Variants in DOK7 observed in about 807,000 individuals in gnomAD.
The protein encoded by DOK7 is docking protein 7.
Under a neutral mutation model 30.7 loss-of-function variants are expected in DOK7, and 32 were observed. That is an observed-to-expected ratio of 1.04 (90% confidence interval 0.79 to 1.40). The LOEUF (loss-of-function observed/expected upper bound fraction) is 1.40. Among genes scored for constraint, DOK7 ranks in the 40% most tolerant of loss-of-function variants. The pLI is 0.00. For synonymous variants in DOK7, 447 were observed against 324.1 expected (o/e 1.38, Z -4.07); for missense variants, 1,007 against 699.2 (o/e 1.44, Z -4.97).
At chr4:3,485,693 C>T (rs767894740) in intron 5 of DOK7, 35 bp downstream of exon 5, 112 of 1,511,108 alleles carry the variant, frequency 7.4e-5, no homozygotes, top group Non-Finnish European at 5.3e-5. Context: ...GGGGAGGGTG[C>T]GCTCGGCAGG....
chr4:3,489,554 G>T (rs1183414669), intron 5 of DOK7, 123 bp from the exon 6 acceptor site: 6 of 1,468,824 alleles, frequency 4.1e-6, no homozygotes, highest in Non-Finnish European at 5.5e-6. Flanking sequence ...GAGGAGCGGG[G>T]ACTCCCAGGG....
intron 5 of DOK7, among the ~76,000 whole-genome samples, chr4:3,489,234 C>T (rs973966240): frequency 6.6e-5 from 10 of 151,984 alleles, no homozygotes; most frequent in East Asian, 5.8e-4. Flanking sequence ...GCAAGGTGGG[C>T]GGGCATTTCC....
At chr4:3,492,576 T>G (rs1255543814) in intron 6 of DOK7, among the ~76,000 whole-genome samples, 183 bp from the exon 7 acceptor site, 1 of 151,244 alleles carries the variant, frequency 6.6e-6, no homozygotes, top group Non-Finnish European at 1.5e-5. Context: ...CAGGAGTGGA[T>G]GAGGGGTAGA....
chr4:3,485,228 G>C (rs983249501), intron 4 of DOK7: 2 of 300,664 alleles, frequency 6.7e-6, no homozygotes, highest in Non-Finnish European at 1.2e-5. Context: ...TGCCCTGTCG[G>C]CTGCAGGACC....
At chr4:3,495,572 A>G (rs1577188618), downstream of DOK7, among the ~76,000 whole-genome samples, 1 of 152,222 alleles carries the variant, frequency 6.6e-6, no homozygotes, top group African/African-American at 2.4e-5. Context: ...GGTTCCGGCC[A>G]CCGCCTGCTA....
exon 8 of DOK7, chr4:3,501,168 G>A (rs763218712): frequency 8.5e-6 from 3 of 353,584 alleles, no homozygotes; most frequent in African/African-American, 4.3e-5. Context: ...CATGGTTTGT[G>A]GTGCCTGGGA....
chr4:3,475,487 TG>T (rs1431750656), intron 3 of DOK7, among the ~76,000 whole-genome samples: 5 of 152,052 alleles, frequency 3.3e-5, no homozygotes, highest in Non-Finnish European at 7.4e-5. Flanking sequence ...TGTGCTGACC[TG>T]GGAAGACAGG....
chr4:3,489,571 C>T (rs763704270), intron 5 of DOK7, 106 bp from the exon 6 acceptor site: 1 of 1,529,736 alleles, frequency 6.5e-7, no homozygotes, highest in Non-Finnish European at 8.8e-7. Flanking sequence ...AGGGGACTGC[C>T]ACTCCACAGA....
intron 4 of DOK7, among the ~76,000 whole-genome samples, chr4:3,483,985 C>T (rs1727597392): frequency 6.6e-6 from 1 of 152,226 alleles, no homozygotes; most frequent in Non-Finnish European, 1.5e-5. Context: ...ATTGGCCTCC[C>T]CTCCATGCCC....
intron 5 of DOK7, among the ~76,000 whole-genome samples, chr4:3,487,101 T>C (rs1467755207): frequency 6.6e-6 from 1 of 152,114 alleles, no homozygotes; most frequent in Non-Finnish European, 1.5e-5. Flanking sequence ...CAGACCCCAC[T>C]CCACAGGACA....
intron 4 of DOK7, among the ~76,000 whole-genome samples, chr4:3,478,861 A>G (rs1324970370): frequency 1.3e-5 from 2 of 152,136 alleles, no homozygotes; most frequent in African/African-American, 4.8e-5. Flanking sequence ...GACTCGGCCA[A>G]GCGGTGGTGT....
exon 8 of DOK7, chr4:3,501,071 T>G: frequency 1.8e-6 from 1 of 560,136 alleles, no homozygotes; most frequent in Non-Finnish European, 3.0e-6. Flanking sequence ...GACCCCAGGC[T>G]GACTGAGGCC....
intron 6 of DOK7, among the ~76,000 whole-genome samples, chr4:3,490,178 C>CACATTTACTAAACTCT: frequency 1.2e-5 from 1 of 83,522 alleles, no homozygotes; most frequent in Non-Finnish European, 2.3e-5. Flanking sequence ...TTTCTTCCTC[C>CACATTTACTAAACTCT]GCCCCCCCCA....
chr4:3,494,585 C>A (rs1728793552), downstream of DOK7: 3 of 934,862 alleles, frequency 3.2e-6, no homozygotes, highest in Non-Finnish European at 3.8e-6. Context: ...GCTTCCCTGG[C>A]CTTTATCTCA....
chr4:3,476,317 G>T, intron 3 of DOK7, 25 bp from the exon 4 acceptor site: 3 of 1,427,272 alleles, frequency 2.1e-6, no homozygotes, highest in Non-Finnish European at 2.8e-6. Context: ...CGCCCGTGAT[G>T]CCCTCTTGCC....
At chr4:3,490,110 C>CCATT (rs1553848871) in intron 6 of DOK7, among the ~76,000 whole-genome samples, 4 of 52,736 alleles carry the variant, frequency 7.6e-5, no homozygotes, top group Non-Finnish European at 1.0e-4. Context: ...TTCTTCACCC[C>CCATT]CATTCATTCC....
chr4:3,491,294 C>CT (rs1728407077), intron 6 of DOK7, among the ~76,000 whole-genome samples: 1 of 60,140 alleles, frequency 1.7e-5, no homozygotes, highest in Non-Finnish European at 3.5e-5. Flanking sequence ...TCCGCCCCCC[C>CT]GCTCATTCAT....
chr4:3,491,726 G>A (rs947606407), intron 6 of DOK7, among the ~76,000 whole-genome samples: 6 of 152,258 alleles, frequency 3.9e-5, no homozygotes, highest in African/African-American at 1.4e-4. Context: ...CAGACAAAAG[G>A]CTCTAAGGCA....
rs1355513098 is a variant in DOK7 at position 3,500,280 on chromosome 4, C to T, written c.1138C>T (p.Pro380Ser). Reference sequence around the variant, plus strand: ...CCCAGGACCCGTGGCTGTGGACAGCCCAGGACCAGAGAGGCCGCGCGGCGA... The same window carrying T: ...CCCAGGACCCGTGGCTGTGGACAGCTCAGGACCAGAGAGGCCGCGCGGCGA... Residue 380 changes from proline to serine, a missense_variant, in exon 7 of 8, where the codon CCA (proline) becomes TCA (serine). Physicochemically the swap from Pro to Ser is moderately conservative, Grantham distance 74. Transcript: ENST00000643608. 5 of 1,535,930 alleles carry T rather than the reference C, an allele frequency of 3.3e-6. No homozygotes were observed. The highest frequency in any genetic ancestry group is 2.0e-5 in the Admixed American group (1 of 50,996).
Sources: gnomAD v4.1 joint callset for allele counts (sites outside exome capture counted in the v4.1 genomes callset) on GRCh38, gnomAD v4.1.1 for gene constraint, MANE v1.5 for transcripts, NCBI Gene and HGNC (gene_info 2026-07-23, HGNC 2026-07-21) for gene names.